The following OPHN1 variants were observed in gnomAD, a reference collection of about 807,000 sequenced individuals.
OPHN1 encodes the protein oligophrenin 1.
Under a neutral mutation model 60.7 loss-of-function variants are expected in OPHN1, and 11 were observed. The observed-to-expected ratio is 0.18, with a 90% confidence interval of 0.11 to 0.30. The LOEUF (loss-of-function observed/expected upper bound fraction) is 0.30. Among genes scored for constraint, OPHN1 ranks in the 10% least tolerant of loss-of-function variants. OPHN1 has a pLI of 1.00. For synonymous variants in OPHN1, 226 were observed against 222.6 expected, an observed-to-expected ratio of 1.02 and a Z score of -0.14; for missense variants, 449 against 611.0, an observed-to-expected ratio of 0.73 and a Z score of 2.80.
chrX:68,101,045 G>A (rs935224134), intron 18 of OPHN1, among the ~76,000 whole-genome samples: 7 of 111,418 alleles, frequency 6.3e-5, no homozygotes, highest in East Asian at 2.8e-4. Context: ...CGTGCCCAGC[G>A]AAATGGTGCC....
Position 68,064,057 on chromosome X carries a change from G to A in OPHN1, c.1955C>T (p.Ser652Phe), listed in dbSNP as rs748534360. 90 of 1,207,934 alleles carry A rather than the reference G, an allele frequency of 7.5e-5. No individual in the cohort carries two copies. The highest frequency in any genetic ancestry group is 9.7e-5 in the Non-Finnish European group (87 of 894,668). ...GCCATCCAAAATAGGCCTGCTTGGGGACTTCCTCCCAGGATCAGTTTCCCC... is the reference window on the plus strand; with the variant it reads ...GCCATCCAAAATAGGCCTGCTTGGGAACTTCCTCCCAGGATCAGTTTCCCC... ...RSGETDPGRKSPSRPILDGKL... is the reference protein window; with the variant it reads ...RSGETDPGRKFPSRPILDGKL... Residue 652 changes from serine (S) to phenylalanine (F), a missense_variant, in exon 21 of 25, where the codon TCC becomes TTC. This residue lies in a region of OPHN1 where 184 missense variants were observed against 160.5 expected (regional missense o/e 1.15). Transcript: ENST00000355520.
intron 15 of OPHN1, among the ~76,000 whole-genome samples, chrX:68,184,787 G>A (rs757590737): frequency 1.0e-4 from 11 of 110,059 alleles, no homozygotes; most frequent in Admixed American, 2.9e-4. Flanking sequence ...GTAGAGATGG[G>A]GTTTCACCAT....
intron 15 of OPHN1, among the ~76,000 whole-genome samples, chrX:68,168,208 C>G (rs892652973): frequency 1.8e-5 from 2 of 110,804 alleles, no homozygotes; most frequent in African/African-American, 3.3e-5. Flanking sequence ...ACATTTTTTT[C>G]AGCACCACAC....
intron 9 of OPHN1, among the ~76,000 whole-genome samples, chrX:68,208,647 C>T (rs1436541644): frequency 1.8e-5 from 2 of 112,126 alleles, no homozygotes; most frequent in East Asian, 5.6e-4. Context: ...ATTAAGCATA[C>T]ATTCAACTGA....
chrX:68,171,233 TC>T (rs2077389449), intron 15 of OPHN1, among the ~76,000 whole-genome samples: 1 of 110,494 alleles, frequency 9.1e-6, no homozygotes. Flanking sequence ...CTCATGTAAC[TC>T]ATAAATATAT....
At chrX:68,184,557 T>C (rs761423384) in intron 15 of OPHN1, among the ~76,000 whole-genome samples, 9 of 110,002 alleles carry the variant, frequency 8.2e-5, no homozygotes, top group African/African-American at 2.0e-4. Context: ...GGTGGGAAGA[T>C]GGATCAACAC....
intron 6 of OPHN1, among the ~76,000 whole-genome samples, chrX:68,220,701 G>A (rs1485921606): frequency 3.3e-5 from 3 of 90,840 alleles, no homozygotes; most frequent in African/African-American, 1.1e-4. Flanking sequence ...TCTCAATAGA[G>A]GCAGAAAAAG....
At chrX:68,383,548 G>A (rs2078608205) in intron 2 of OPHN1, among the ~76,000 whole-genome samples, 1 of 96,250 alleles carries the variant, frequency 1.0e-5, no homozygotes, top group Non-Finnish European at 2.0e-5. Flanking sequence ...GCAGTGAGCC[G>A]AGGTCATACC....
chrX:68,306,898 A>T (rs1241475334), intron 2 of OPHN1, among the ~76,000 whole-genome samples: 1 of 110,388 alleles, frequency 9.1e-6, no homozygotes, highest in Non-Finnish European at 1.9e-5. Context: ...AATTTCTAAA[A>T]TTTTTTGTAG....
chrX:68,128,901 T>C (rs1241528520), intron 15 of OPHN1, among the ~76,000 whole-genome samples: 2 of 111,850 alleles, frequency 1.8e-5, no homozygotes, highest in Admixed American at 9.5e-5. Context: ...GACCATCGTA[T>C]AAATGTAAGA....
At chrX:68,115,070 G>C (rs1433803857) in intron 16 of OPHN1, among the ~76,000 whole-genome samples, 2 of 112,256 alleles carry the variant, frequency 1.8e-5, no homozygotes, top group Admixed American at 1.9e-4. Context: ...CAAACTGGCA[G>C]TCAAACAGCT....
intron 15 of OPHN1, among the ~76,000 whole-genome samples, chrX:68,182,195 T>TTTG (rs1305502369): frequency 1.0e-5 from 1 of 96,947 alleles, no homozygotes; most frequent in Non-Finnish European, 2.1e-5. Flanking sequence ...GTAGTTTTTT[T>TTTG]TTTTTTTTTT....
intron 8 of OPHN1, among the ~76,000 whole-genome samples, chrX:68,211,868 G>T (rs143568702): frequency 5.4e-5 from 6 of 112,028 alleles, no homozygotes; most frequent in African/African-American, 1.9e-4. Context: ...ATATTGCATA[G>T]ATGAAGGTGT....
At chrX:68,323,761 G>C (rs1021879382) in intron 2 of OPHN1, among the ~76,000 whole-genome samples, 4 of 111,928 alleles carry the variant, frequency 3.6e-5, no homozygotes, top group African/African-American at 1.3e-4. Flanking sequence ...TGGTGAATAA[G>C]CAACATATAA....
chrX:68,279,785 G>A (rs2093105340), intron 4 of OPHN1, among the ~76,000 whole-genome samples: 2 of 111,766 alleles, frequency 1.8e-5, no homozygotes, highest in East Asian at 2.8e-4. Flanking sequence ...CTCAATATAC[G>A]ATTGAAAAGT....
upstream of OPHN1, chrX:68,433,564 C>G (rs2078897005): frequency 3.4e-6 from 1 of 293,538 alleles, no homozygotes; most frequent in Non-Finnish European, 6.0e-6. Flanking sequence ...GCCTGCGCCC[C>G]GCCCCAGCGA....
chrX:68,126,514 G>A (rs1007064707), intron 15 of OPHN1, among the ~76,000 whole-genome samples: 2 of 110,177 alleles, frequency 1.8e-5, no homozygotes. Context: ...GCGCAATCTC[G>A]GCTCACTGCA....
chrX:68,173,664 G>C (rs1186736036), intron 15 of OPHN1, among the ~76,000 whole-genome samples: 1 of 100,557 alleles, frequency 9.9e-6, no homozygotes, highest in Non-Finnish European at 2.0e-5. Flanking sequence ...GACCAAATTA[G>C]AAAAAAAAAA....
At chrX:68,112,258 A>C (rs1029100730) in intron 17 of OPHN1, 23 of 222,688 alleles carry the variant, frequency 1.0e-4, no homozygotes, top group Non-Finnish European at 1.8e-4. Context: ...AGAGAAAAAA[A>C]ACACACACAA....
Sources: gnomAD v4.1 joint callset for allele counts (sites outside exome capture counted in the v4.1 genomes callset) on GRCh38, gnomAD v4.1.1 for gene constraint, gnomAD v4.1.1 regional missense constraint, MANE v1.5 for transcripts, NCBI Gene and HGNC (gene_info 2026-07-23, HGNC 2026-07-21) for gene names.